Variants in KIAA0825 observed in about 807,000 individuals in gnomAD.
KIAA0825 encodes the protein KIAA0825.
In KIAA0825, 119 loss-of-function variants were observed where a neutral mutation model predicts 147.6. That is an observed-to-expected ratio of 0.81 (90% CI 0.69 to 0.94). The LOEUF is 0.94. Ranked by LOEUF, KIAA0825 falls within the 40% of genes least tolerant of loss-of-function variation. KIAA0825 has a pLI of 0.00. For missense variants in KIAA0825, 1,381 were observed against 1,472.7 expected (o/e 0.94, Z 1.02); for synonymous variants, 470 against 518.1 (o/e 0.91, Z 1.26).
chr5:94,297,676 A>G (rs1778198981), intron 20 of KIAA0825, among the ~76,000 whole-genome samples: 1 of 151,660 alleles, frequency 6.6e-6, no homozygotes. Context: ...GCTCACTTCA[A>G]CCTCCACCTC....
intron 20 of KIAA0825, among the ~76,000 whole-genome samples, chr5:94,329,445 T>A (rs984039009): frequency 6.6e-6 from 1 of 152,122 alleles, no homozygotes; most frequent in African/African-American, 2.4e-5. Flanking sequence ...CCTATGCTGG[T>A]GAGATAACTG....
rs940394329 is a variant in KIAA0825, at chr5:94,551,181, GA to G, written c.-1-14055del. On this transcript the variant is annotated intron_variant, in intron 2 of 20. Coordinates refer to ENST00000682413, the MANE Select transcript of KIAA0825 (RefSeq NM_001145678.3). The stretch of plus-strand genomic sequence containing the variant: ...ACAGGCTTTTGAAATAATACAGGAA[GA>G]AAAAAAAATGCAGAAAGCCTTCAGG... Among the ~76,000 whole-genome samples the G allele has an allele frequency of 9.3e-5, 14 of 149,824 alleles. No homozygotes were observed. In the East Asian group the frequency reaches 1.8e-3, roughly 19 times the overall value.
chr5:94,517,563 T>C (rs1362306577), intron 5 of KIAA0825, among the ~76,000 whole-genome samples: 3 of 151,870 alleles, frequency 2.0e-5, no homozygotes, highest in South Asian at 2.1e-4. Context: ...GGTATAAGCA[T>C]GGAAAGGTAA....
chr5:94,476,060 C>G (rs1015765458), intron 7 of KIAA0825, among the ~76,000 whole-genome samples: 1 of 152,100 alleles, frequency 6.6e-6, no homozygotes, highest in East Asian at 1.9e-4. Flanking sequence ...TTATTTAGTG[C>G]TCATTTCTTA....
chr5:94,600,756 G>C (rs1786254215), intron 1 of KIAA0825, among the ~76,000 whole-genome samples: 1 of 148,178 alleles, frequency 6.7e-6, no homozygotes, highest in Non-Finnish European at 1.5e-5. Flanking sequence ...AACCACCTGG[G>C]AGTGGAAGTA....
rs1415885333 is a variant in KIAA0825 at position 94,151,831 on chromosome 5, G to C, written c.*2176C>G. Among the ~76,000 whole-genome samples the C allele has an allele frequency of 6.6e-6, 1 of 152,108 alleles. No individual in the cohort carries two copies. Among genetic ancestry groups the C allele is most frequent in the African/African-American group, 2.4e-5 (1 of 41,432 alleles). ...ATAAGATGTTGTATCTAGTTTATTGGATTAATTTATTTTTAACTTTCCATT... is the reference window on the plus strand; with the variant it reads ...ATAAGATGTTGTATCTAGTTTATTGCATTAATTTATTTTTAACTTTCCATT... On this transcript the variant is annotated 3_prime_UTR_variant, in exon 21 of 21. Transcript: ENST00000682413.
At chr5:94,614,503 C>G (rs143520687) in intron 1 of KIAA0825, among the ~76,000 whole-genome samples, 2 of 152,142 alleles carry the variant, frequency 1.3e-5, no homozygotes, top group Admixed American at 1.3e-4. Context: ...CTAAACTCAG[C>G]TTTTTACCTC....
intron 20 of KIAA0825, among the ~76,000 whole-genome samples, chr5:94,182,275 T>TTTTTTTTTTTTA (rs1769717930): frequency 7.6e-6 from 1 of 131,920 alleles, no homozygotes; most frequent in Non-Finnish European, 1.6e-5. Flanking sequence ...TTTTTTTTTT[T>TTTTTTTTTTTTA]TTGAGACAGG....
At chr5:94,564,999 TCTCTCTCTCC>T (rs1367544638) in intron 2 of KIAA0825, among the ~76,000 whole-genome samples, 6 of 132,742 alleles carry the variant, frequency 4.5e-5, no homozygotes, top group African/African-American at 1.7e-4. Context: ...TTCTCCTCTC[TCTCTCTCTCC>T]CTCTCTCTCT....
At chr5:94,478,636 T>C (rs575731680) in intron 6 of KIAA0825, among the ~76,000 whole-genome samples, 1 of 152,312 alleles carries the variant, frequency 6.6e-6, no homozygotes, top group Admixed American at 6.5e-5. Context: ...AATGATTTTT[T>C]ATGGCTTGTA....
intron 2 of KIAA0825, among the ~76,000 whole-genome samples, chr5:94,546,181 G>T (rs1010372071): frequency 3.9e-5 from 6 of 152,168 alleles, no homozygotes; most frequent in African/African-American, 1.4e-4. Flanking sequence ...TGTGGTTTGA[G>T]GGCCAGCTTA....
intron 20 of KIAA0825, among the ~76,000 whole-genome samples, chr5:94,375,592 T>G (rs897025397): frequency 6.6e-6 from 1 of 152,146 alleles, no homozygotes; most frequent in African/African-American, 2.4e-5. Context: ...AAATTCTAAC[T>G]AGAAAAGGGC....
At chr5:94,488,415 T>G (rs575697516) in intron 5 of KIAA0825, among the ~76,000 whole-genome samples, 1 of 152,312 alleles carries the variant, frequency 6.6e-6, no homozygotes, top group Non-Finnish European at 1.5e-5. Flanking sequence ...CTATGATTCT[T>G]AGGAAATACA....
chr5:94,309,751 A>G (rs781574595), intron 20 of KIAA0825, among the ~76,000 whole-genome samples: 2 of 151,698 alleles, frequency 1.3e-5, no homozygotes, highest in Non-Finnish European at 1.5e-5. Flanking sequence ...ATCTTGCTGT[A>G]TGGTTCATCG....
intron 12 of KIAA0825, among the ~76,000 whole-genome samples, chr5:94,458,140 C>G (rs1163239775): frequency 6.6e-6 from 1 of 152,192 alleles, no homozygotes; most frequent in African/African-American, 2.4e-5. Context: ...AAACAGAATT[C>G]TAAGTAGCTA....
chr5:94,608,580 C>G (rs775398006), intron 1 of KIAA0825, among the ~76,000 whole-genome samples: 3 of 128,276 alleles, frequency 2.3e-5, no homozygotes, highest in Non-Finnish European at 4.7e-5. Context: ...GTGATCTACC[C>G]ATCTCTGCCT....
intron 2 of KIAA0825, among the ~76,000 whole-genome samples, chr5:94,579,748 G>A (rs1781736156): frequency 6.6e-6 from 1 of 152,090 alleles, no homozygotes; most frequent in African/African-American, 2.4e-5. Context: ...AGCTTCCTCT[G>A]AATTTCAAAA....
intron 5 of KIAA0825, among the ~76,000 whole-genome samples, chr5:94,494,408 C>T (rs2151087846): frequency 7.0e-6 from 1 of 142,292 alleles, no homozygotes; most frequent in African/African-American, 2.7e-5. Flanking sequence ...GTTGAAGATG[C>T]TAATCAAAGA....
intron 20 of KIAA0825, among the ~76,000 whole-genome samples, chr5:94,182,125 G>A (rs1210523221): frequency 3.3e-5 from 5 of 151,824 alleles, no homozygotes; most frequent in African/African-American, 1.2e-4. Context: ...ACCCTTCAGT[G>A]GGACCTTCAG....
Sources: gnomAD v4.1 joint callset for allele counts (sites outside exome capture counted in the v4.1 genomes callset) on GRCh38, gnomAD v4.1.1 for gene constraint, MANE v1.5 for transcripts, NCBI Gene and HGNC (gene_info 2026-07-23, HGNC 2026-07-21) for gene names.